The following CEP83 variants were observed in gnomAD, a reference collection of about 807,000 sequenced individuals.
CEP83 encodes centrosomal protein 83, also known as centrosomal protein of 83 kDa.
In CEP83, 70 loss-of-function variants were observed where a neutral mutation model predicts 101.9. The observed-to-expected ratio is 0.69, with a 90% confidence interval of 0.57 to 0.84. CEP83 has a LOEUF of 0.84. Ranked by LOEUF, CEP83 falls within the 40% of genes least tolerant of loss-of-function variation. The pLI is 0.00. For synonymous variants in CEP83, 264 were observed against 267.9 expected (o/e 0.99, Z 0.14); for missense variants, 715 against 787.2 (o/e 0.91, Z 1.10).
chr12:94,392,106 AC>A (rs2062582868), intron 6 of CEP83, among the ~76,000 whole-genome samples: 1 of 152,136 alleles, frequency 6.6e-6, no homozygotes, highest in Non-Finnish European at 1.5e-5. Flanking sequence ...ACAAAGATAT[AC>A]AGGACTTGAA....
At chr12:94,402,055 T>G (rs986519438) in intron 5 of CEP83, among the ~76,000 whole-genome samples, 3 of 152,224 alleles carry the variant, frequency 2.0e-5, no homozygotes, top group Non-Finnish European at 1.5e-5. Flanking sequence ...ATATATAAAA[T>G]GTCTACCAAG....
At chr12:94,316,181 G>C (rs1970653918) in intron 14 of CEP83, among the ~76,000 whole-genome samples, 1 of 152,004 alleles carries the variant, frequency 6.6e-6, no homozygotes, top group South Asian at 2.1e-4. Flanking sequence ...AGCAGTATTT[G>C]TATTTCAGTG....
At chr12:94,459,475 T>A (rs1180035743) in intron 1 of CEP83, 82 bp downstream of exon 1, 1 of 152,138 alleles carries the variant, frequency 6.6e-6, no homozygotes, top group Non-Finnish European at 1.5e-5. Context: ...AAAAAAAGGA[T>A]TCAAGGGCAG....
chr12:94,288,928 C>A, the CEP83 span, among the ~76,000 whole-genome samples: 247 of 152,172 alleles, frequency 1.6e-3, 2 homozygotes, highest in East Asian at 0.042. Context: ...AGATTTTTTT[C>A]TTTAAATTAT....
chr12:94,362,432 CA>C (rs1565988868), intron 11 of CEP83, among the ~76,000 whole-genome samples: 1 of 152,088 alleles, frequency 6.6e-6, no homozygotes, highest in Admixed American at 6.6e-5. Flanking sequence ...CCAGCCTGGC[CA>C]ACACAGTGAA....
At chr12:94,351,225 C>G (rs1565963882) in intron 11 of CEP83, among the ~76,000 whole-genome samples, 2 of 152,114 alleles carry the variant, frequency 1.3e-5, no homozygotes, top group South Asian at 4.1e-4. Context: ...ATCCCTAATA[C>G]CACTGTGGAC....
intron 11 of CEP83, among the ~76,000 whole-genome samples, chr12:94,359,208 C>T (rs1313709460): frequency 6.6e-6 from 1 of 152,178 alleles, no homozygotes; most frequent in African/African-American, 2.4e-5. Context: ...TGTGAGAAAT[C>T]AGGGGATTTC....
At chr12:94,266,388 C>CT in the CEP83 span, among the ~76,000 whole-genome samples, 2 of 152,208 alleles carry the variant, frequency 1.3e-5, no homozygotes, top group Non-Finnish European at 2.9e-5. Flanking sequence ...TGTATCAATA[C>CT]ACCCATCCAC....
intron 11 of CEP83, among the ~76,000 whole-genome samples, chr12:94,343,729 AT>A (rs1384047261): frequency 1.3e-5 from 2 of 150,794 alleles, no homozygotes; most frequent in African/African-American, 2.4e-5. Context: ...TCCTGACCTC[AT>A]GATCCACCCG....
Position 94,310,144 on chromosome 12 carries a change from A to G in CEP83, c.1812-37T>C, listed in dbSNP as rs769985853. ...AAAGAAATGTTTCTTTAACATGGTTATACCCTATTGAAGCACAGTATGATT... is the reference window on the plus strand; with the variant it reads ...AAAGAAATGTTTCTTTAACATGGTTGTACCCTATTGAAGCACAGTATGATT... On this transcript the variant is annotated intron_variant, in intron 15 of 16. Coordinates refer to ENST00000397809, the MANE Select transcript of CEP83 (RefSeq NM_016122.3). 3.3e-5 allele frequency: 37 copies of G among 1,128,518 alleles called. No homozygotes were observed. In the South Asian group the frequency reaches 4.5e-4, roughly 14 times the overall value. The allele number at this position is 1,128,518 out of a possible 1,614,324, so 69.9% of individuals were successfully genotyped here. A position where few individuals can be genotyped will look rare whatever the true frequency, so the allele number is the denominator to read the frequency against.
At chr12:94,281,610 CA>C in the CEP83 span, among the ~76,000 whole-genome samples, 99,856 of 151,910 alleles carry the variant, frequency 0.66, 32,953 homozygotes, top group African/African-American at 0.73. Flanking sequence ...TTTATAGAGA[CA>C]AGTCTCACTA....
At chr12:94,288,249 T>C in the CEP83 span, among the ~76,000 whole-genome samples, 1 of 152,256 alleles carries the variant, frequency 6.6e-6, no homozygotes, top group African/African-American at 2.4e-5. Flanking sequence ...TCCCTACTTC[T>C]ACTTTAACCC....
At chr12:94,420,628 T>C (rs1278721838) in intron 2 of CEP83, among the ~76,000 whole-genome samples, 1 of 152,170 alleles carries the variant, frequency 6.6e-6, no homozygotes, top group East Asian at 1.9e-4. Context: ...TTACTGTTAG[T>C]GTATTTTATG....
the CEP83 span, among the ~76,000 whole-genome samples, chr12:94,299,997 G>C: frequency 6.6e-6 from 1 of 152,190 alleles, no homozygotes; most frequent in African/African-American, 2.4e-5. Flanking sequence ...AGACCTAGCA[G>C]CATATGGGGG....
At chr12:94,418,900 A>T (rs2064495913) in intron 2 of CEP83, among the ~76,000 whole-genome samples, 1 of 152,180 alleles carries the variant, frequency 6.6e-6, no homozygotes, top group Admixed American at 6.5e-5. Flanking sequence ...GGTGTATATA[A>T]AAAGAGTATT....
In CEP83 at chr12:94,357,134, T is replaced by C. The variant is rs928924946; in HGVS notation, c.1343+10660A>G. Among the ~76,000 whole-genome samples the C allele has an allele frequency of 3.9e-5, 6 of 152,200 alleles. No individual in the cohort carries two copies. The East Asian group carries it at 9.6e-4, about 24-fold the overall frequency. On this transcript the variant is annotated intron_variant, in intron 11 of 16. Transcript: ENST00000397809. ...TGCTCAGGATATAGTGTTGCAGTTATTAGCTTTCCACAATGCTAATCCCGA... is the reference window on the plus strand; with the variant it reads ...TGCTCAGGATATAGTGTTGCAGTTACTAGCTTTCCACAATGCTAATCCCGA...
Position 94,312,768 on chromosome 12 carries a change from A to G in CEP83, c.1811+146T>C, listed in dbSNP as rs975660375. ...AAACATTCAGTTAGGGGGTAAAAAA[A>G]GGATAGTACATTAGGAGTTATCAAG... On this transcript the variant is annotated intron_variant, in intron 15 of 16. Coordinates refer to ENST00000397809, the MANE Select transcript of CEP83 (RefSeq NM_016122.3). 4.0e-6 allele frequency: 5 copies of G among 1,248,822 alleles called. No individual in the cohort carries two copies. In the African/African-American group the frequency reaches 6.3e-5, roughly 16 times the overall value. 77.4% of individuals were successfully genotyped at this position (1,248,822 alleles called of 1,614,324 possible).
chr12:94,457,860 A>G (rs538762355), intron 1 of CEP83, among the ~76,000 whole-genome samples: 89 of 152,302 alleles, frequency 5.8e-4, no homozygotes, highest in African/African-American at 2.0e-3. Context: ...AGGGTTCAAT[A>G]AGAGGAGACA....
chr12:94,447,706 C>T (rs1261636252), intron 1 of CEP83, among the ~76,000 whole-genome samples: 1 of 151,316 alleles, frequency 6.6e-6, no homozygotes, highest in Non-Finnish European at 1.5e-5. Context: ...AATAATAGCA[C>T]CAAAAAGAGA....
Sources: allele counts gnomAD v4.1 joint callset (sites outside exome capture counted in the v4.1 genomes callset), GRCh38; gene constraint gnomAD v4.1.1; transcripts MANE v1.5; gene names NCBI Gene and HGNC (gene_info 2026-07-23, HGNC 2026-07-21).